Variants in PALLD observed in about 807,000 individuals in gnomAD.
PALLD encodes palladin.
A neutral mutation model predicts 123.5 loss-of-function variants in PALLD; 61 were observed. The ratio of observed to expected loss-of-function variants is 0.49; its 90% CI spans 0.40 to 0.61. PALLD has a LOEUF of 0.61. Among genes scored for constraint, PALLD ranks in the 20% least tolerant of loss-of-function variants. The probability of loss-of-function intolerance (pLI) is 0.00; values close to 1 mark genes in which losing one functional copy is unlikely to be tolerated. For synonymous variants in PALLD, 465 were observed against 496.4 expected (o/e 0.94, Z 0.84); for missense variants, 1,273 against 1,377.0 (o/e 0.92, Z 1.20).
In PALLD at chr4:168,512,175, T is replaced by C. The variant is rs7655494; in HGVS notation, c.671T>C (p.Met224Thr). Residue 224 changes from methionine (M) to threonine (T), a missense_variant, in exon 2 of 22, where the codon ATG becomes ACG. Physicochemically the swap from Met to Thr is moderately conservative, Grantham distance 81. Coordinates refer to ENST00000505667, the MANE Select transcript of PALLD (RefSeq NM_001166108.2). ...AGTGCCTCAGCCAGCCAGAGCCCTA[T>C]GGAAGACCAAGGGGAGATGGAAAGA... ...LLSASASQSPMEDQGEMEREV... is the reference protein window; with the variant it reads ...LLSASASQSPTEDQGEMEREV... The C allele has an allele frequency of 0.31, 498,588 of 1,613,214 alleles. 78,968 individuals carry two copies. Among genetic ancestry groups the C allele is most frequent in the Non-Finnish European group, 0.33 (384,729 of 1,179,436 alleles).
intron 10 of PALLD, among the ~76,000 whole-genome samples, chr4:168,731,669 G>A (rs1302036102): frequency 6.6e-6 from 1 of 152,216 alleles, no homozygotes; most frequent in Non-Finnish European, 1.5e-5. Flanking sequence ...AAAACTGTAA[G>A]TGAATTATTC....
chr4:168,707,346 G>C (rs961967635), intron 8 of PALLD, among the ~76,000 whole-genome samples: 2 of 152,238 alleles, frequency 1.3e-5, no homozygotes, highest in Admixed American at 6.5e-5. Flanking sequence ...TTTGTGGTCT[G>C]TGCCAGGCTA....
intron 8 of PALLD, chr4:168,699,874 T>C (rs1166078043): frequency 2.0e-5 from 3 of 152,992 alleles, no homozygotes; most frequent in Non-Finnish European, 4.4e-5. Flanking sequence ...AAATGCATCA[T>C]AATTAAGGTT....
intron 2 of PALLD, among the ~76,000 whole-genome samples, chr4:168,618,457 T>C (rs1266036142): frequency 6.6e-6 from 1 of 152,186 alleles, no homozygotes; most frequent in African/African-American, 2.4e-5. Context: ...CTCCAGTTGC[T>C]GACTTTCTAG....
At chr4:168,696,538 T>C (rs1783143863) in intron 8 of PALLD, among the ~76,000 whole-genome samples, 1 of 151,596 alleles carries the variant, frequency 6.6e-6, no homozygotes, top group African/African-American at 2.4e-5. Context: ...ATGAATGATA[T>C]AGAAAAAAAC....
intron 10 of PALLD, among the ~76,000 whole-genome samples, chr4:168,758,046 G>A (rs537091840): frequency 1.3e-5 from 2 of 152,308 alleles, no homozygotes; most frequent in East Asian, 3.9e-4. Context: ...ACTCCAGCCT[G>A]GGCGACAGAG....
intron 14 of PALLD, among the ~76,000 whole-genome samples, chr4:168,903,508 A>C (rs1350677312): frequency 3.3e-5 from 5 of 152,212 alleles, no homozygotes; most frequent in Admixed American, 3.3e-4. Flanking sequence ...CATATAAATA[A>C]TATATGAATG....
Position 168,676,251 on chromosome 4 carries a change from C to T in PALLD, c.1088-5081C>T, listed in dbSNP as rs1462993036. 3.3e-5 allele frequency among the ~76,000 whole-genome samples: 5 copies of T among 151,882 alleles called. No homozygotes were observed. In the South Asian group the frequency reaches 6.2e-4, roughly 19 times the overall value. ...TCATTAAACGTTCTTTAAAACCATTCTAATTCCTTTGTAGTTGTTCAACAT... is the reference window on the plus strand; with the variant it reads ...TCATTAAACGTTCTTTAAAACCATTTTAATTCCTTTGTAGTTGTTCAACAT... On this transcript the variant is annotated intron_variant, in intron 3 of 21. Coordinates refer to ENST00000505667, the MANE Select transcript of PALLD (RefSeq NM_001166108.2).
chr4:168,895,499 GTATGT>G (rs1239682190), intron 12 of PALLD, among the ~76,000 whole-genome samples: 3 of 152,228 alleles, frequency 2.0e-5, no homozygotes, highest in African/African-American at 2.4e-5. Flanking sequence ...CACGTATTCT[GTATGT>G]TATATGTATT....
rs138897963 is a variant in PALLD at position 168,668,190 on chromosome 4, A to T, written c.909A>T (p.Arg303Ser). Residue 303 changes from arginine to serine, a missense_variant and splice_region_variant, in exon 3 of 22, where the codon AGA (arginine) becomes AGT (serine). Physicochemically the swap from Arg to Ser is moderately radical, Grantham distance 110. This residue lies in a region of PALLD where 944 missense variants were observed against 954.5 expected (regional missense o/e 0.99). Transcript: ENST00000505667. ...RVTGNPTPRV[R>S]WFCEGKELHN... ...CCTTTGACCTCCATTTGGCCTGCAG[A>T]TGGTTCTGTGAAGGGAAAGAACTGC... 1,119 of 1,613,570 alleles carry T rather than the reference A, an allele frequency of 6.9e-4. 2 individuals are homozygous for T. Among genetic ancestry groups the T allele is most frequent in the Non-Finnish European group, 5.8e-4 (684 of 1,179,508 alleles).
chr4:168,769,841 G>T (rs2150492453), intron 10 of PALLD, among the ~76,000 whole-genome samples: 1 of 152,284 alleles, frequency 6.6e-6, no homozygotes, highest in South Asian at 2.1e-4. Context: ...TTCAAAGCCT[G>T]ATGTAAAATC....
intron 10 of PALLD, chr4:168,832,210 A>C (rs1207156533): frequency 2.0e-6 from 2 of 984,958 alleles, no homozygotes; most frequent in Non-Finnish European, 2.4e-6. Context: ...GGTGGAAGAA[A>C]TGTGTGAATT....
At chr4:168,651,970 T>G (rs1341978616) in intron 2 of PALLD, among the ~76,000 whole-genome samples, 1 of 152,196 alleles carries the variant, frequency 6.6e-6, no homozygotes, top group Non-Finnish European at 1.5e-5. Flanking sequence ...GCTTTGTTTT[T>G]GTTTTGGCTT....
At chr4:168,754,668 A>AGT (rs1731531955) in intron 10 of PALLD, among the ~76,000 whole-genome samples, 1 of 152,166 alleles carries the variant, frequency 6.6e-6, no homozygotes, top group African/African-American at 2.4e-5. Flanking sequence ...AGTATCTCAA[A>AGT]GTAAAATGTG....
intron 2 of PALLD, among the ~76,000 whole-genome samples, chr4:168,627,138 T>C (rs192146870): frequency 1.2e-4 from 18 of 152,340 alleles, no homozygotes; most frequent in African/African-American, 4.3e-4. Flanking sequence ...TTTTTGAAAG[T>C]GGTAGTGGGG....
intron 2 of PALLD, among the ~76,000 whole-genome samples, chr4:168,610,395 A>T (rs1334955434): frequency 1.3e-5 from 2 of 152,080 alleles, no homozygotes; most frequent in African/African-American, 4.8e-5. Context: ...GGGCTTAATC[A>T]CTTCATGTAG....
rs536545858 is a variant in PALLD, at chr4:168,925,208, GCTCTCT to G, written c.3359-18_3359-13del. ...TTTATTTGTCAAAAAAATTCATATTGCTCTCTCTCTCTTTCTATTTGTAGTTTCTCG... is the reference window on the plus strand; with the variant it reads ...TTTATTTGTCAAAAAAATTCATATTGCTCTCTTTCTATTTGTAGTTTCTCG... On this transcript the variant is annotated intron_variant, in intron 20 of 21. Transcript: ENST00000505667. 13 of 1,583,056 alleles carry G rather than the reference GCTCTCT, an allele frequency of 8.2e-6. No individual in the cohort carries two copies. The highest frequency in any genetic ancestry group is 3.3e-5 in the South Asian group (3 of 90,436).
At chr4:168,860,295 C>A (rs1380083802) in intron 10 of PALLD, among the ~76,000 whole-genome samples, 1 of 152,206 alleles carries the variant, frequency 6.6e-6, no homozygotes, top group Non-Finnish European at 1.5e-5. Flanking sequence ...AGACCCTCAA[C>A]CACAGCCATG....
intron 2 of PALLD, among the ~76,000 whole-genome samples, chr4:168,554,000 G>A (rs1767011774): frequency 6.6e-6 from 1 of 152,168 alleles, no homozygotes; most frequent in African/African-American, 2.4e-5. Context: ...ATCTTTCCCT[G>A]AGTCCAAGGT....
Sources: allele counts gnomAD v4.1 joint callset (sites outside exome capture counted in the v4.1 genomes callset), GRCh38; gene constraint gnomAD v4.1.1; regional missense constraint gnomAD v4.1.1; transcripts MANE v1.5; gene names NCBI Gene and HGNC (gene_info 2026-07-23, HGNC 2026-07-21).